ZHX2: variants seen among roughly 807,000 people sequenced by gnomAD.
ZHX2 encodes zinc fingers and homeoboxes 2.
ZHX2 carries 6 observed loss-of-function variants against 21.9 expected under a neutral mutation model. The observed-to-expected ratio is 0.27, with a 90% CI of 0.15 to 0.54. ZHX2 has a LOEUF of 0.54. Among genes scored for constraint, ZHX2 ranks in the 20% least tolerant of loss-of-function variants. The pLI, the probability that ZHX2 is intolerant of heterozygous loss-of-function variation, is 0.95. For missense variants in ZHX2, 908 were observed against 1,090.7 expected (o/e 0.83, Z 2.36); for synonymous variants, 434 against 437.1 (o/e 0.99, Z 0.09).
chr8:122,903,107 C>T (rs1201572520), intron 2 of ZHX2, among the ~76,000 whole-genome samples: 1 of 152,216 alleles, frequency 6.6e-6, no homozygotes, highest in African/African-American at 2.4e-5. Context: ...TCTCCTAGTC[C>T]TCTTCTAAAC....
chr8:122,780,703 G>A (rs1341379039), upstream of ZHX2: 1 of 152,196 alleles, frequency 6.6e-6, no homozygotes, highest in Non-Finnish European at 1.5e-5. Context: ...GGGCTGCCGC[G>A]GTGAGAGCTC....
intron 2 of ZHX2, among the ~76,000 whole-genome samples, chr8:122,907,343 A>G (rs1190909891): frequency 6.6e-6 from 1 of 152,180 alleles, no homozygotes; most frequent in East Asian, 1.9e-4. Context: ...TCTTGAAGCA[A>G]GGGCAGGAAG....
intron 1 of ZHX2, among the ~76,000 whole-genome samples, chr8:122,809,983 G>A (rs763784567): frequency 6.6e-6 from 1 of 152,026 alleles, no homozygotes; most frequent in African/African-American, 2.4e-5. Context: ...AGAAGATGAT[G>A]GTTTTCATTA....
At chr8:122,887,492 TG>T (rs1686919010) in intron 2 of ZHX2, among the ~76,000 whole-genome samples, 1 of 152,058 alleles carries the variant, frequency 6.6e-6, no homozygotes. Flanking sequence ...CACTCCAGCC[TG>T]GGTGACAGAG....
intron 2 of ZHX2, among the ~76,000 whole-genome samples, chr8:122,903,715 G>A (rs1223337903): frequency 1.3e-5 from 2 of 152,158 alleles, no homozygotes; most frequent in Non-Finnish European, 2.9e-5. Flanking sequence ...TGTTGTTCTG[G>A]TATCTCCTGA....
In ZHX2 at chr8:122,955,434, C is replaced by T. The variant is rs1813275148; in HGVS notation, c.*4+1406C>T. Among the ~76,000 whole-genome samples the T allele has an allele frequency of 2.0e-5, 3 of 152,192 alleles. No homozygotes were observed. The South Asian group carries it at 6.2e-4, about 31-fold the overall frequency. ...AAAGGCAGCCCTGGAAATTACCACA[C>T]CTCTGTCTTAATGAACTTGGACAAC... On this transcript the variant is annotated intron_variant, in intron 3 of 3. Coordinates refer to ENST00000314393, the MANE Select transcript of ZHX2 (RefSeq NM_014943.5).
intron 2 of ZHX2, among the ~76,000 whole-genome samples, chr8:122,879,983 T>TC (rs1209089702): frequency 6.6e-6 from 1 of 150,602 alleles, no homozygotes; most frequent in Non-Finnish European, 1.5e-5. Context: ...TTTTTTTTTT[T>TC]TTTTTTTTAG....
Position 122,857,560 on chromosome 8 carries a change from G to C in ZHX2, c.-282-5917G>C, listed in dbSNP as rs1231087974. Among the ~76,000 whole-genome samples, 3 of 152,178 alleles carry C rather than the reference G, an allele frequency of 2.0e-5. No individual in the cohort carries two copies. In the East Asian group the frequency reaches 5.8e-4, roughly 29 times the overall value. The stretch of plus-strand genomic sequence containing the variant: ...CATCTACACACCCCAGGGCAGCTGG[G>C]AACACAGGCTCTTCTGTACTCTTGG... On this transcript the variant is annotated intron_variant, in intron 1 of 3. Transcript: ENST00000314393.
chr8:122,892,515 T>C (rs550552479), intron 2 of ZHX2, among the ~76,000 whole-genome samples: 89 of 152,284 alleles, frequency 5.8e-4, no homozygotes, highest in Non-Finnish European at 1.1e-3. Context: ...CTTCCTCTCT[T>C]ATTGTTTATC....
At chr8:122,812,899 A>G (rs1200331313) in intron 1 of ZHX2, among the ~76,000 whole-genome samples, 1 of 152,130 alleles carries the variant, frequency 6.6e-6, no homozygotes, top group Non-Finnish European at 1.5e-5. Context: ...CCACTACTCT[A>G]AGAAGTAGGT....
At chr8:122,939,360 T>C (rs758486603) in intron 2 of ZHX2, among the ~76,000 whole-genome samples, 8 of 152,352 alleles carry the variant, frequency 5.3e-5, no homozygotes, top group East Asian at 1.9e-4. Flanking sequence ...GGATCTGATA[T>C]AATGATGTGT....
intron 1 of ZHX2, among the ~76,000 whole-genome samples, chr8:122,854,461 G>A (rs928870906): frequency 2.6e-5 from 4 of 152,146 alleles, no homozygotes; most frequent in African/African-American, 9.7e-5. Context: ...GGTGGGACTG[G>A]AGCTCCCACT....
At position 122,955,074 on chromosome 8, in the gene ZHX2, G is replaced by C. The variant is rs543013630; in HGVS notation, c.*4+1046G>C. ...GCCTGTAGAGTCACATAAGCCGGGG[G>C]GGGGGGGGTGGCAGGGCGGTTTCCA... On this transcript the variant is annotated intron_variant, in intron 3 of 3. Coordinates refer to ENST00000314393, the MANE Select transcript of ZHX2 (RefSeq NM_014943.5). 1.5e-4 allele frequency among the ~76,000 whole-genome samples: 20 copies of C among 135,074 alleles called. 2 individuals carry two copies. Among genetic ancestry groups the C allele is most frequent in the African/African-American group, 3.4e-4 (12 of 35,738 alleles). 88.6% of individuals were successfully genotyped at this position (135,074 alleles called of 152,430 possible). A position where few individuals can be genotyped will look rare whatever the true frequency, so the allele number is the denominator to read the frequency against.
intron 1 of ZHX2, among the ~76,000 whole-genome samples, chr8:122,793,008 G>A (rs1026485986): frequency 1.3e-5 from 2 of 152,194 alleles, no homozygotes; most frequent in Non-Finnish European, 2.9e-5. Flanking sequence ...CTTCCCTGGA[G>A]GTACTCAGTG....
chr8:122,831,106 A>AGG (rs1818364510), intron 1 of ZHX2, among the ~76,000 whole-genome samples: 1 of 152,178 alleles, frequency 6.6e-6, no homozygotes, highest in Admixed American at 6.5e-5. Flanking sequence ...TATGCATAAG[A>AGG]GTTTGTGTGA....
intron 3 of ZHX2, among the ~76,000 whole-genome samples, chr8:122,972,197 T>C (rs1813741614): frequency 6.6e-6 from 1 of 152,218 alleles, no homozygotes; most frequent in Non-Finnish European, 1.5e-5. Context: ...GAGTCCACCC[T>C]GATGGCCTCA....
intron 2 of ZHX2, among the ~76,000 whole-genome samples, chr8:122,897,542 A>T (rs541192693): frequency 6.6e-6 from 1 of 152,234 alleles, no homozygotes; most frequent in Admixed American, 6.5e-5. Context: ...TTGTCTGTTT[A>T]TCTTCTTAAT....
At chr8:122,890,877 T>G (rs1819958928) in intron 2 of ZHX2, among the ~76,000 whole-genome samples, 1 of 152,202 alleles carries the variant, frequency 6.6e-6, no homozygotes, top group Non-Finnish European at 1.5e-5. Flanking sequence ...GCTTTTTCTA[T>G]ATGATAAGAT....
Position 122,818,461 on chromosome 8 carries a change from A to T in ZHX2, c.-283+36515A>T, listed in dbSNP as rs563773586. On this transcript the variant is annotated intron_variant, in intron 1 of 3. Coordinates refer to ENST00000314393, the MANE Select transcript of ZHX2 (RefSeq NM_014943.5). ...TCACCTCCCTTTGCTGCCATTTGAG[A>T]GCTGATCGATGCTGGACCCGCTCCC... Among the ~76,000 whole-genome samples, 8 of 152,010 alleles carry T rather than the reference A, an allele frequency of 5.3e-5. No individual in the cohort carries two copies. In the South Asian group the frequency reaches 1.2e-3, roughly 24 times the overall value.
Sources: allele counts gnomAD v4.1 joint callset (sites outside exome capture counted in the v4.1 genomes callset), GRCh38; gene constraint gnomAD v4.1.1; transcripts MANE v1.5; gene names NCBI Gene and HGNC (gene_info 2026-07-23, HGNC 2026-07-21).